Variants in DNAH14 observed in about 807,000 individuals in gnomAD.
DNAH14 encodes the protein dynein axonemal heavy chain 14.
In DNAH14, 478 loss-of-function variants were observed where a neutral mutation model predicts 520.9. That is an observed-to-expected ratio of 0.92 (90% CI 0.85 to 0.99). The LOEUF (loss-of-function observed/expected upper bound fraction) is 0.99, where lower values mean the gene tolerates loss of function less well. DNAH14 is among the 50% of genes least tolerant of loss of function. The pLI, the probability that DNAH14 is intolerant of heterozygous loss-of-function variation, is 0.00. For missense variants in DNAH14, 4,831 were observed against 5,234.5 expected (o/e 0.92, Z 2.38); for synonymous variants, 1,581 against 1,757.2 (o/e 0.90, Z 2.51).
At chr1:225,374,024 G>A (rs973752396) in intron 77 of DNAH14, among the ~76,000 whole-genome samples, 1 of 149,014 alleles carries the variant, frequency 6.7e-6, no homozygotes, top group African/African-American at 2.5e-5. Flanking sequence ...TGGGAGAATC[G>A]CCTTAGCTGG....
intron 83 of DNAH14, among the ~76,000 whole-genome samples, chr1:225,391,444 C>G (rs560795743): frequency 6.6e-6 from 1 of 152,124 alleles, no homozygotes; most frequent in Non-Finnish European, 1.5e-5. Flanking sequence ...TGTACTCCAG[C>G]CTGGGCAACA....
intron 73 of DNAH14, among the ~76,000 whole-genome samples, chr1:225,356,427 T>C (rs2095429965): frequency 6.6e-6 from 1 of 152,214 alleles, no homozygotes. Context: ...CATCTTTATT[T>C]TTCTTTTAGA....
intron 42 of DNAH14, among the ~76,000 whole-genome samples, chr1:225,234,814 A>G (rs914892828): frequency 6.6e-6 from 1 of 152,064 alleles, no homozygotes; most frequent in Non-Finnish European, 1.5e-5. Context: ...GCTATTGTGA[A>G]CAGGAGTTTA....
In DNAH14 at chr1:225,192,563, T is replaced by G. The variant is rs551259738; in HGVS notation, c.5671-133T>G. On this transcript the variant is annotated intron_variant, in intron 37 of 85. Coordinates refer to ENST00000682510, the MANE Select transcript of DNAH14 (RefSeq NM_001367479.1). Reference sequence around the variant, plus strand: ...GTCAATATTTACTGTTCCTTGCAACTTGCTACCTTTATATAAAATCTTTTT... The same window carrying G: ...GTCAATATTTACTGTTCCTTGCAACGTGCTACCTTTATATAAAATCTTTTT... 1.5e-3 allele frequency: 866 copies of G among 578,462 alleles called. 1 individual carries two copies. Among genetic ancestry groups the G allele is most frequent in the Non-Finnish European group, 2.2e-3 (750 of 335,214 alleles). The allele number at this position is 578,462 out of a possible 1,614,324, so 35.8% of individuals were successfully genotyped here. A position where few individuals can be genotyped will look rare whatever the true frequency, so the allele number is the denominator to read the frequency against.
At chr1:225,168,067 A>T in intron 36 of DNAH14, 39 bp downstream of exon 36, 1 of 1,145,352 alleles carries the variant, frequency 8.7e-7, no homozygotes, top group South Asian at 1.5e-5. Context: ...CTTTGCCTGT[A>T]TTTCAATAGG....
intron 64 of DNAH14, among the ~76,000 whole-genome samples, chr1:225,329,707 A>C (rs1406299882): frequency 6.6e-6 from 1 of 152,154 alleles, no homozygotes; most frequent in African/African-American, 2.4e-5. Context: ...TTCTTGAGAA[A>C]ACATTGGGGA....
intron 84 of DNAH14, chr1:225,397,955 G>A (rs116567320): frequency 6.9e-6 from 1 of 145,318 alleles, no homozygotes; most frequent in African/African-American, 2.5e-5. Flanking sequence ...GCTGAAGTGG[G>A]AGAACCGATG....
intron 8 of DNAH14, among the ~76,000 whole-genome samples, chr1:224,986,754 C>A (rs2062673762): frequency 6.6e-6 from 1 of 152,156 alleles, no homozygotes; most frequent in South Asian, 2.1e-4. Flanking sequence ...GAAGTCTTTC[C>A]TCTAAGATAT....
rs368933018 is a variant in DNAH14, at chr1:225,099,366, A to G, written c.3696-1347A>G. Among the ~76,000 whole-genome samples, 6 of 152,302 alleles carry G rather than the reference A, an allele frequency of 3.9e-5. No individual in the cohort carries two copies. In the East Asian group the frequency reaches 9.6e-4, roughly 24 times the overall value. ...GGGCAAGGAAGAAGTGCAGGAATAC[A>G]TGGTTATCTTAGACCAGTGATTTTC... On this transcript the variant is annotated intron_variant, in intron 22 of 85. Coordinates refer to ENST00000682510, the MANE Select transcript of DNAH14 (RefSeq NM_001367479.1).
chr1:225,362,708 A>G (rs2095506960), intron 75 of DNAH14, among the ~76,000 whole-genome samples: 2 of 152,216 alleles, frequency 1.3e-5, no homozygotes, highest in African/African-American at 4.8e-5. Context: ...ATCAAAAAAA[A>G]GAAAAAGAAA....
At chr1:225,205,417 T>G (rs1397249839) in intron 39 of DNAH14, among the ~76,000 whole-genome samples, 1 of 152,188 alleles carries the variant, frequency 6.6e-6, no homozygotes, top group East Asian at 1.9e-4. Flanking sequence ...GCCATGATCT[T>G]GGACTTCCAA....
intron 23 of DNAH14, among the ~76,000 whole-genome samples, chr1:225,109,362 C>G (rs950741233): frequency 5.9e-5 from 9 of 151,994 alleles, no homozygotes; most frequent in Non-Finnish European, 1.0e-4. Flanking sequence ...GAATATCTTT[C>G]CATTTTTTGG....
At chr1:225,044,706 G>C (rs1056186897) in intron 15 of DNAH14, among the ~76,000 whole-genome samples, 1 of 152,108 alleles carries the variant, frequency 6.6e-6, no homozygotes, top group Non-Finnish European at 1.5e-5. Flanking sequence ...ATTGTATTAT[G>C]AAGATGAAAT....
chr1:225,346,108 C>G lies in DNAH14; in HGVS notation c.10825C>G (p.Arg3609Gly). Residue 3609 changes from arginine to glycine, a missense_variant, in exon 70 of 86, where the codon CGA becomes GGA. By Grantham distance (125) the Arg-to-Gly change is moderately radical. Coordinates refer to ENST00000682510, the MANE Select transcript of DNAH14 (RefSeq NM_001367479.1). ...TAAAAACTATCTCCCCATTGCGACC[C>G]GAGGCGCCCTGCTCTACTTCCTAGT... ...IRKNYLPIAT[R>G]GALLYFLVAD... 6.4e-7 allele frequency: 1 copy of G among 1,551,698 alleles called. No homozygotes were observed. Among genetic ancestry groups the G allele is most frequent in the Non-Finnish European group, 8.7e-7 (1 of 1,146,978 alleles).
chr1:224,960,367 T>C (rs957756023), intron 4 of DNAH14, 65 bp downstream of exon 4: 2 of 1,414,652 alleles, frequency 1.4e-6, no homozygotes, highest in African/African-American at 2.9e-5. Flanking sequence ...TTCTGTGGTT[T>C]GTGTGCTTAT....
At chr1:224,981,283 G>A (rs1162889300) in intron 8 of DNAH14, among the ~76,000 whole-genome samples, 1 of 151,906 alleles carries the variant, frequency 6.6e-6, no homozygotes. Context: ...TTTGGAATTA[G>A]GGTGATGCTG....
intron 31 of DNAH14, among the ~76,000 whole-genome samples, chr1:225,151,006 C>T (rs925231341): frequency 7.9e-5 from 12 of 152,082 alleles, no homozygotes; most frequent in African/African-American, 2.9e-4. Flanking sequence ...GCCACCACAC[C>T]CAGTGAGATA....
chr1:225,184,740 A>G (rs1171436830), intron 36 of DNAH14, among the ~76,000 whole-genome samples: 1 of 152,108 alleles, frequency 6.6e-6, no homozygotes, highest in Non-Finnish European at 1.5e-5. Context: ...TCAAAGGAAC[A>G]TATCTTAAAA....
chr1:225,186,398 A>G lies in DNAH14; in HGVS notation c.5670+973A>G, dbSNP rs2084739909. 2.6e-5 allele frequency among the ~76,000 whole-genome samples: 4 copies of G among 152,030 alleles called. No individual in the cohort carries two copies. In the South Asian group the frequency reaches 8.3e-4, roughly 31 times the overall value. On this transcript the variant is annotated intron_variant, in intron 37 of 85. Transcript: ENST00000682510. Reference sequence around the variant, plus strand: ...CACAGCAATAATAATAATAACTAATATGTATGGACTACCTAAAAAGGTCCA... The same window carrying G: ...CACAGCAATAATAATAATAACTAATGTGTATGGACTACCTAAAAAGGTCCA...
Sources: allele counts gnomAD v4.1 joint callset (sites outside exome capture counted in the v4.1 genomes callset), GRCh38; gene constraint gnomAD v4.1.1; transcripts MANE v1.5; gene names NCBI Gene and HGNC (gene_info 2026-07-23, HGNC 2026-07-21).